The following STAM variants were observed in gnomAD, a reference collection of about 807,000 sequenced individuals.
The protein encoded by STAM is signal transducing adapter molecule 1.
A neutral mutation model predicts 63.4 loss-of-function variants in STAM; 16 were observed. The observed-to-expected ratio is 0.25, with a 90% CI of 0.17 to 0.38. The LOEUF (loss-of-function observed/expected upper bound fraction) is 0.38, where lower values mean the gene tolerates loss of function less well. Among genes scored for constraint, STAM ranks in the 10% least tolerant of loss-of-function variants. The probability of loss-of-function intolerance (pLI) is 1.00; values close to 1 mark genes in which losing one functional copy is unlikely to be tolerated. For missense variants in STAM, 636 were observed against 657.1 expected (o/e 0.97, Z 0.35); for synonymous variants, 238 against 223.9 (o/e 1.06, Z -0.56).
chr10:17,713,253 T>C (rs1836640083), intron 13 of STAM, among the ~76,000 whole-genome samples: 1 of 152,164 alleles, frequency 6.6e-6, no homozygotes, highest in African/African-American at 2.4e-5. Flanking sequence ...TGGACTGCCT[T>C]TTTCTCTGTT....
intron 1 of STAM, among the ~76,000 whole-genome samples, chr10:17,650,834 G>A (rs1554821440): frequency 6.6e-6 from 1 of 152,150 alleles, no homozygotes; most frequent in African/African-American, 2.4e-5. Flanking sequence ...GGGAGGCCGA[G>A]GTGGGCGGAT....
chr10:17,668,367 A>T (rs375739061), intron 2 of STAM, among the ~76,000 whole-genome samples: 2 of 152,318 alleles, frequency 1.3e-5, no homozygotes, highest in Admixed American at 1.3e-4. Flanking sequence ...CTCCGACACA[A>T]TTTCCCCAAT....
chr10:17,699,861 G>T (rs1434453576), intron 8 of STAM, among the ~76,000 whole-genome samples: 6 of 152,088 alleles, frequency 3.9e-5, no homozygotes, highest in Non-Finnish European at 8.8e-5. Flanking sequence ...TTAGGCCATT[G>T]TAAAACTTTG....
chr10:17,696,767 T>C lies in STAM; in HGVS notation c.729-8T>C. The stretch of plus-strand genomic sequence containing the variant: ...TTATGGTAAAGCATTGTTTTTTGTT[T>C]GTCATAGTGATCCTAACTGGTGGAA... On this transcript the variant is annotated splice_polypyrimidine_tract_variant and splice_region_variant and intron_variant, in intron 7 of 13. Transcript: ENST00000377524. 1.3e-6 allele frequency: 2 copies of C among 1,599,282 alleles called. No individual in the cohort carries two copies. Among genetic ancestry groups the C allele is most frequent in the Non-Finnish European group, 1.7e-6 (2 of 1,167,150 alleles).
At chr10:17,694,591 G>T (rs1214300613) in intron 6 of STAM, among the ~76,000 whole-genome samples, 1 of 152,052 alleles carries the variant, frequency 6.6e-6, no homozygotes, top group Non-Finnish European at 1.5e-5. Context: ...CTTTAGACTG[G>T]TAAGAATTAC....
intron 1 of STAM, among the ~76,000 whole-genome samples, chr10:17,650,914 A>G (rs1320714792): frequency 6.6e-6 from 1 of 151,860 alleles, no homozygotes; most frequent in Non-Finnish European, 1.5e-5. Flanking sequence ...AAATACAAAA[A>G]ATTAGCCGGG....
intron 2 of STAM, among the ~76,000 whole-genome samples, chr10:17,680,055 G>A (rs1171228932): frequency 2.6e-5 from 4 of 151,642 alleles, no homozygotes; most frequent in African/African-American, 7.2e-5. Flanking sequence ...TTTCTTGATT[G>A]TGTTTCTGTT....
Position 17,660,566 on chromosome 10 carries a change from C to T in STAM, c.125+18C>T, listed in dbSNP as rs782313732. ...CGCACTGGGTAAGTATTTAGCGTTTCAAAGGATTTTTATTCTTTCTTTTTA... is the reference window on the plus strand; with the variant it reads ...CGCACTGGGTAAGTATTTAGCGTTTTAAAGGATTTTTATTCTTTCTTTTTA... On this transcript the variant is annotated intron_variant, in intron 2 of 13. Coordinates refer to ENST00000377524, the MANE Select transcript of STAM (RefSeq NM_003473.4). The T allele has an allele frequency of 4.5e-6, 7 of 1,559,976 alleles. No homozygotes were observed. Among genetic ancestry groups the T allele is most frequent in the Middle Eastern group, 3.4e-4 (2 of 5,856 alleles).
intron 2 of STAM, among the ~76,000 whole-genome samples, chr10:17,662,676 A>G (rs1406750404): frequency 6.6e-6 from 1 of 152,220 alleles, no homozygotes; most frequent in Non-Finnish European, 1.5e-5. Flanking sequence ...TAGCTATGTC[A>G]TACTGGGTAA....
At chr10:17,688,865 A>G (rs1424961630) in intron 5 of STAM, among the ~76,000 whole-genome samples, 2 of 152,206 alleles carry the variant, frequency 1.3e-5, no homozygotes, top group Non-Finnish European at 2.9e-5. Flanking sequence ...ATGATAGCTC[A>G]GAAATCAGGA....
At chr10:17,655,428 A>C (rs1564529059) in intron 1 of STAM, among the ~76,000 whole-genome samples, 1 of 152,130 alleles carries the variant, frequency 6.6e-6, no homozygotes, top group Non-Finnish European at 1.5e-5. Flanking sequence ...TACCCTACCT[A>C]ACCAATACCT....
chr10:17,684,753 G>A lies in STAM; in HGVS notation c.201+3G>A. 1 of 1,613,932 alleles carries A rather than the reference G, an allele frequency of 6.2e-7. No homozygotes were observed. Among genetic ancestry groups the A allele is most frequent in the Non-Finnish European group, 8.5e-7 (1 of 1,179,938 alleles). On this transcript the variant is annotated splice_donor_region_variant and intron_variant, in intron 3 of 13. Coordinates refer to ENST00000377524, the MANE Select transcript of STAM (RefSeq NM_003473.4). ...ACGTTGCTATGCAGGCTTTGACTGT[G>A]AGTGGTTTCATTTTAATCTGTACCA... is the stretch of plus-strand genomic sequence containing the variant.
At chr10:17,712,485 T>A (rs1336436147) in intron 13 of STAM, among the ~76,000 whole-genome samples, 1 of 152,158 alleles carries the variant, frequency 6.6e-6, no homozygotes, top group Non-Finnish European at 1.5e-5. Flanking sequence ...TAAATTACCG[T>A]CTCTTATAAT....
At chr10:17,645,694 T>C (rs1255841959) in intron 1 of STAM, among the ~76,000 whole-genome samples, 1 of 152,226 alleles carries the variant, frequency 6.6e-6, no homozygotes, top group African/African-American at 2.4e-5. Flanking sequence ...TCACCGATTA[T>C]ACTTAATGAA....
At chr10:17,669,145 A>G (rs77708060) in intron 2 of STAM, among the ~76,000 whole-genome samples, 6 of 152,166 alleles carry the variant, frequency 3.9e-5, no homozygotes, top group African/African-American at 9.6e-5. Flanking sequence ...ATTCTTTTCT[A>G]TTTGGCTACC....
chr10:17,685,591 G>C (rs897549023), intron 4 of STAM, among the ~76,000 whole-genome samples: 1 of 152,158 alleles, frequency 6.6e-6, no homozygotes. Context: ...GGTTGGGGCT[G>C]GTTTCTGTGT....
At chr10:17,672,930 T>G in intron 2 of STAM, 1 of 602,168 alleles carries the variant, frequency 1.7e-6, no homozygotes, top group Non-Finnish European at 2.1e-6. Flanking sequence ...TCCCTGTTCT[T>G]TGTCCCTGCC....
At chr10:17,658,844 A>T (rs1424038978) in intron 1 of STAM, among the ~76,000 whole-genome samples, 1 of 152,132 alleles carries the variant, frequency 6.6e-6, no homozygotes, top group Non-Finnish European at 1.5e-5. Flanking sequence ...TTTCTTATAG[A>T]CAACATACAG....
intron 8 of STAM, among the ~76,000 whole-genome samples, chr10:17,697,795 A>G (rs1442959472): frequency 1.3e-5 from 2 of 152,150 alleles, no homozygotes; most frequent in Non-Finnish European, 2.9e-5. Context: ...ATTTTTAAAG[A>G]GCTTATATGT....
Sources: allele counts gnomAD v4.1 joint callset (sites outside exome capture counted in the v4.1 genomes callset), GRCh38; gene constraint gnomAD v4.1.1; transcripts MANE v1.5; gene names NCBI Gene and HGNC (gene_info 2026-07-23, HGNC 2026-07-21).